The following KLHL12 variants were observed in gnomAD, a reference collection of about 807,000 sequenced individuals.
KLHL12 encodes the protein kelch like family member 12.
KLHL12 carries 17 observed loss-of-function variants against 60.8 expected under a neutral mutation model. That is an observed-to-expected ratio of 0.28 (90% CI 0.19 to 0.42). KLHL12 has a LOEUF of 0.42. Among genes scored for constraint, KLHL12 ranks in the 10% least tolerant of loss-of-function variants. KLHL12 has a pLI of 1.00. For missense variants in KLHL12, 468 were observed against 722.3 expected (o/e 0.65, Z 4.04); for synonymous variants, 220 against 250.9 (o/e 0.88, Z 1.16).
chr1:202,905,297 C>A (rs1557991057), intron 6 of KLHL12, among the ~76,000 whole-genome samples: 2 of 152,114 alleles, frequency 1.3e-5, no homozygotes, highest in African/African-American at 4.8e-5. Context: ...TACTGATTCA[C>A]AAAAATTTTC....
At position 202,919,876 on chromosome 1, in the gene KLHL12, G is replaced by T; in HGVS notation, c.228C>A (p.Ile76=). 6.2e-7 allele frequency: 1 copy of T among 1,613,750 alleles called. No homozygotes were observed. The highest frequency in any genetic ancestry group is 2.2e-5 in the East Asian group (1 of 44,872). Residue 76 remains isoleucine, a synonymous_variant, in exon 3 of 12, where the codon ATC becomes ATA. Transcript: ENST00000367261. ...CCATGGTAGAGGCAGTCAAACCTTG[G>T]ATGTCAACATAAGGTTTCCCCTTCT... ...LSEKGKPYVD[I]QGLTASTMEI...
intron 2 of KLHL12, among the ~76,000 whole-genome samples, chr1:202,920,246 G>A (rs966323489): frequency 3.3e-5 from 5 of 151,674 alleles, no homozygotes; most frequent in Admixed American, 6.6e-5. Context: ...CCCAGGAGGC[G>A]AAGGTTGCAG....
intron 4 of KLHL12, among the ~76,000 whole-genome samples, chr1:202,914,426 TCTTAA>T (rs956236047): frequency 6.6e-6 from 1 of 152,238 alleles, no homozygotes; most frequent in African/African-American, 2.4e-5. Context: ...ATGTCCTTGA[TCTTAA>T]CTTAAAACTT....
chr1:202,919,486 C>A (rs985471892), intron 3 of KLHL12, among the ~76,000 whole-genome samples: 2 of 151,926 alleles, frequency 1.3e-5, no homozygotes, highest in Non-Finnish European at 2.9e-5. Context: ...TAAGAAAACA[C>A]ATAATTTCTC....
rs1660585646 is a variant in KLHL12 at position 202,918,334 on chromosome 1, C to A, written c.404G>T (p.Cys135Phe). The A allele has an allele frequency of 6.2e-7, 1 of 1,614,030 alleles. No individual in the cohort carries two copies. The highest frequency in any genetic ancestry group is 1.3e-5 in the African/African-American group (1 of 74,926). The change falls in exon 4 of 12, where the codon TGC becomes TTC. Residue 135 changes from cysteine (C) to phenylalanine (F), a missense_variant. Transcript: ENST00000367261. ...TTCAGCAAAATCCCTAATACCCAGG[C>A]AATTAGAAGGGTCCAACTGACTTTC... ...FLESQLDPSNCLGIRDFAETH... is the reference protein window; with the variant it reads ...FLESQLDPSNFLGIRDFAETH...
rs561989791 is a variant in KLHL12, at chr1:202,907,911, T to TA, written c.832+1098dup. On this transcript the variant is annotated intron_variant, in intron 6 of 11. Transcript: ENST00000367261. ...CAACATAGTGAGACCTCATTTCTAT[T>TA]AAAAAAAATAAAATATAGCGGATAA... Among the ~76,000 whole-genome samples, 497 of 151,618 alleles carry TA rather than the reference T, an allele frequency of 3.3e-3. 3 individuals carry two copies. The highest frequency in any genetic ancestry group is 4.2e-3 in the Non-Finnish European group (287 of 67,890).
rs747817946 is a variant in KLHL12 at position 202,895,428 on chromosome 1, C to T, written c.1135+94G>A. ...TAACATTTGACCTTAATTTTTTCTC[C>T]GTATTTCATGCTCCTGCCAGACAAC... On this transcript the variant is annotated intron_variant, in intron 8 of 11. Transcript: ENST00000367261. The surrounding 1 kb of genome is among the most constrained non-coding windows in gnomAD (Gnocchi z 4.2). 319 of 1,080,386 alleles carry T rather than the reference C, an allele frequency of 3.0e-4. No homozygotes were observed. Among genetic ancestry groups the T allele is most frequent in the Non-Finnish European group, 3.9e-4 (289 of 739,952 alleles). The allele number at this position is 1,080,386 out of a possible 1,614,324, so 66.9% of individuals were successfully genotyped here. A position where few individuals can be genotyped will look rare whatever the true frequency, so the allele number is the denominator to read the frequency against.
At position 202,920,752 on chromosome 1, in the gene KLHL12, C is replaced by T. The variant is rs536822205; in HGVS notation, c.196-844G>A. Among the ~76,000 whole-genome samples, 121 of 152,190 alleles carry T rather than the reference C, an allele frequency of 8.0e-4. No individual in the cohort carries two copies. In the South Asian group the frequency reaches 0.011, roughly 14 times the overall value. On this transcript the variant is annotated intron_variant, in intron 2 of 11. Transcript: ENST00000367261. ...CAAATGAAGTAGGTAGTTATCTATA[C>T]GCCAGGAATAAGTAATAGGTAACAC...
intron 6 of KLHL12, among the ~76,000 whole-genome samples, chr1:202,907,743 CA>C (rs1660239144): frequency 1.4e-5 from 2 of 147,354 alleles, no homozygotes. Context: ...TCTGTCTCTA[CA>C]AAAAAATATA....
At chr1:202,907,286 C>T (rs573031944) in intron 6 of KLHL12, among the ~76,000 whole-genome samples, 2 of 152,038 alleles carry the variant, frequency 1.3e-5, no homozygotes, top group Non-Finnish European at 2.9e-5. Flanking sequence ...ATTGAACATG[C>T]AGTACTTATG....
chr1:202,896,542 T>C (rs1414538814), intron 7 of KLHL12, among the ~76,000 whole-genome samples: 2 of 152,164 alleles, frequency 1.3e-5, no homozygotes, highest in Admixed American at 6.5e-5. Flanking sequence ...CAATTTAACA[T>C]TCAGTTCAGT....
chr1:202,905,968 C>CTTTTTTTTTTTT (rs71142574), intron 6 of KLHL12, among the ~76,000 whole-genome samples: 270 of 51,702 alleles, frequency 5.2e-3, no homozygotes, highest in African/African-American at 8.5e-3. Context: ...CCACACCTGG[C>CTTTTTTTTTTTT]TTTTTTTTTT....
intron 2 of KLHL12, among the ~76,000 whole-genome samples, chr1:202,923,361 A>AT (rs2102460338): frequency 6.6e-6 from 1 of 152,308 alleles, no homozygotes; most frequent in South Asian, 2.1e-4. Context: ...GATCTTGGGT[A>AT]TATCTCATGG....
chr1:202,912,872 T>C (rs1366471422), intron 4 of KLHL12: 1 of 675,590 alleles, frequency 1.5e-6, no homozygotes, highest in Non-Finnish European at 2.7e-6. Context: ...AGACAAATAC[T>C]CATGTGTATG....
chr1:202,926,901 C>A (rs140329909), intron 1 of KLHL12, among the ~76,000 whole-genome samples, 188 bp downstream of exon 1: 3 of 152,306 alleles, frequency 2.0e-5, no homozygotes, highest in Non-Finnish European at 4.4e-5. Flanking sequence ...CGGAGAGGGG[C>A]AGTTCAGGGG....
intron 4 of KLHL12, chr1:202,912,331 A>C (rs190046090): frequency 1.3e-6 from 1 of 795,304 alleles, no homozygotes; most frequent in Non-Finnish European, 2.2e-6. Flanking sequence ...ACGAATGGCC[A>C]TAACTGTGAA....
At chr1:202,920,386 T>C (rs2102454554) in intron 2 of KLHL12, among the ~76,000 whole-genome samples, 1 of 135,820 alleles carries the variant, frequency 7.4e-6, no homozygotes, top group African/African-American at 2.7e-5. Flanking sequence ...TTTTTTTTTT[T>C]TTTTTTTTGA....
At chr1:202,896,379 C>A (rs541191609) in intron 7 of KLHL12, among the ~76,000 whole-genome samples, 1 of 152,196 alleles carries the variant, frequency 6.6e-6, no homozygotes, top group East Asian at 1.9e-4. Flanking sequence ...TTTGTAGAGA[C>A]AGAGTCTCAC....
At chr1:202,927,322 G>C, upstream of KLHL12, 15 of 946,684 alleles carry the variant, frequency 1.6e-5, no homozygotes, top group Non-Finnish European at 1.9e-5. Flanking sequence ...GTGAGGAGGT[G>C]GTGTCACGTG....
Sources: allele counts gnomAD v4.1 joint callset (sites outside exome capture counted in the v4.1 genomes callset), GRCh38; gene constraint gnomAD v4.1.1; non-coding constraint Gnocchi (gnomAD v3.1); transcripts MANE v1.5; gene names NCBI Gene and HGNC (gene_info 2026-07-23, HGNC 2026-07-21).